The following ITGBL1 variants were observed in gnomAD, a reference collection of about 807,000 sequenced individuals.
ITGBL1 encodes integrin beta-like protein 1.
Under a neutral mutation model 68.5 loss-of-function variants are expected in ITGBL1, and 51 were observed. The observed-to-expected ratio is 0.74, with a 90% CI of 0.59 to 0.94. The LOEUF is 0.94. Ranked by LOEUF, ITGBL1 falls within the 40% of genes least tolerant of loss-of-function variation. The pLI, the probability that ITGBL1 is intolerant of heterozygous loss-of-function variation, is 0.00. For missense variants in ITGBL1, 649 were observed against 647.4 expected (o/e 1.00, Z -0.03); for synonymous variants, 209 against 227.3 (o/e 0.92, Z 0.72).
At chr13:101,454,161 C>T in intron 2 of ITGBL1, 61 bp downstream of exon 2, 12 of 1,326,048 alleles carry the variant, frequency 9.0e-6, no homozygotes, top group Non-Finnish European at 1.0e-5. Flanking sequence ...GGGATTTCTG[C>T]CACTCCCTAG....
At chr13:101,690,584 C>T (rs528924532) in intron 7 of ITGBL1, among the ~76,000 whole-genome samples, 1 of 152,234 alleles carries the variant, frequency 6.6e-6, no homozygotes, top group Admixed American at 6.5e-5. Flanking sequence ...TTTCTCCCCA[C>T]AGCCTGCATT....
chr13:101,657,714 AT>A (rs771442701), intron 7 of ITGBL1, among the ~76,000 whole-genome samples: 1 of 152,228 alleles, frequency 6.6e-6, no homozygotes, highest in Non-Finnish European at 1.5e-5. Flanking sequence ...AATCTATTTG[AT>A]TTACATGTTG....
chr13:101,568,890 G>A (rs1205312619), intron 3 of ITGBL1, among the ~76,000 whole-genome samples: 1 of 152,070 alleles, frequency 6.6e-6, no homozygotes, highest in African/African-American at 2.4e-5. Flanking sequence ...TCCGTCAGGG[G>A]TCATGACAAA....
intron 7 of ITGBL1, among the ~76,000 whole-genome samples, chr13:101,687,253 T>A (rs1160088873): frequency 6.6e-6 from 1 of 151,998 alleles, no homozygotes; most frequent in African/African-American, 2.4e-5. Flanking sequence ...AACAGATTCT[T>A]AAATATTTGT....
chr13:101,588,713 A>G (rs7989278), intron 6 of ITGBL1, among the ~76,000 whole-genome samples: 2,492 of 149,992 alleles, frequency 0.017, 70 homozygotes, highest in African/African-American at 0.057. Flanking sequence ...AAAAAACCTG[A>G]TGTAATGTTA....
At position 101,611,666 on chromosome 13, in the gene ITGBL1, C is replaced by T. The variant is rs577715579; in HGVS notation, c.1015+13367C>T. ...TTCAGTCACTAGCCAGCTGTGTGAC[C>T]CAGCAAGTCATACACTGAACTGGCA... On this transcript the variant is annotated intron_variant, in intron 7 of 10. Transcript: ENST00000376180. Among the ~76,000 whole-genome samples, 29 of 151,004 alleles carry T rather than the reference C, an allele frequency of 1.9e-4. 1 individual carries two copies. The South Asian group carries it at 5.7e-3, about 30-fold the overall frequency.
At chr13:101,716,845 C>T (rs1239524162), downstream of ITGBL1, 1 of 150,446 alleles carries the variant, frequency 6.6e-6, no homozygotes, top group African/African-American at 2.4e-5. Flanking sequence ...AATATTCACT[C>T]AGTGATAGGA....
At chr13:101,623,398 G>A (rs150327342) in intron 7 of ITGBL1, among the ~76,000 whole-genome samples, 8 of 152,200 alleles carry the variant, frequency 5.3e-5, no homozygotes, top group African/African-American at 1.9e-4. Flanking sequence ...TCATATCTTT[G>A]TGTACTGAAA....
At chr13:101,651,551 T>G (rs1242554278) in intron 7 of ITGBL1, among the ~76,000 whole-genome samples, 1 of 152,188 alleles carries the variant, frequency 6.6e-6, no homozygotes, top group Admixed American at 6.5e-5. Flanking sequence ...TTTAAGTTCC[T>G]TGTAGACTCT....
intron 2 of ITGBL1, among the ~76,000 whole-genome samples, chr13:101,561,897 GA>G (rs2050106547): frequency 6.6e-6 from 1 of 152,136 alleles, no homozygotes; most frequent in African/African-American, 2.4e-5. Context: ...GAAGAGCAAT[GA>G]AAATGGAATA....
intron 2 of ITGBL1, among the ~76,000 whole-genome samples, chr13:101,502,889 G>A (rs2048966197): frequency 6.6e-6 from 1 of 152,162 alleles, no homozygotes. Context: ...GAGAGAATGA[G>A]GCAAGATGTA....
chr13:101,526,872 C>T (rs958390109), intron 2 of ITGBL1, among the ~76,000 whole-genome samples: 2 of 151,936 alleles, frequency 1.3e-5, no homozygotes, highest in Non-Finnish European at 2.9e-5. Flanking sequence ...CCAAATACTC[C>T]AGCTTGCATT....
chr13:101,475,575 G>A (rs1427521985), intron 2 of ITGBL1, among the ~76,000 whole-genome samples: 2 of 152,000 alleles, frequency 1.3e-5, no homozygotes, highest in African/African-American at 4.8e-5. Context: ...GTACAAGAAG[G>A]TTATAGAACA....
chr13:101,470,055 A>G (rs950845192), intron 2 of ITGBL1, among the ~76,000 whole-genome samples: 3 of 152,170 alleles, frequency 2.0e-5, no homozygotes, highest in Non-Finnish European at 4.4e-5. Flanking sequence ...AAATCTTATG[A>G]TCAGACCTAG....
chr13:101,550,169 A>G (rs1386973477), intron 2 of ITGBL1, among the ~76,000 whole-genome samples: 1 of 152,146 alleles, frequency 6.6e-6, no homozygotes, highest in African/African-American at 2.4e-5. Context: ...TTGTGTTTGC[A>G]TATTTTTGTC....
intron 2 of ITGBL1, among the ~76,000 whole-genome samples, chr13:101,516,492 A>G (rs2049197592): frequency 6.6e-6 from 1 of 152,146 alleles, no homozygotes; most frequent in South Asian, 2.1e-4. Flanking sequence ...TTTGCATTCA[A>G]TTTCTGCTCA....
chr13:101,713,441 C>T (rs1264630744), intron 9 of ITGBL1: 1 of 152,030 alleles, frequency 6.6e-6, no homozygotes, highest in South Asian at 2.1e-4. Flanking sequence ...GTGATTTTGA[C>T]TCAAAAAGAA....
intron 2 of ITGBL1, among the ~76,000 whole-genome samples, chr13:101,565,046 C>G (rs925750361): frequency 2.0e-5 from 3 of 152,002 alleles, no homozygotes; most frequent in Non-Finnish European, 4.4e-5. Flanking sequence ...TCCTCCAGAA[C>G]TAACCAACCC....
chr13:101,467,867 A>G (rs745822754), intron 2 of ITGBL1, among the ~76,000 whole-genome samples: 1 of 152,100 alleles, frequency 6.6e-6, no homozygotes, highest in Non-Finnish European at 1.5e-5. Context: ...TTCCTAGGGA[A>G]AGGTAGGCTA....
Sources: allele counts gnomAD v4.1 joint callset (sites outside exome capture counted in the v4.1 genomes callset), GRCh38; gene constraint gnomAD v4.1.1; transcripts MANE v1.5; gene names NCBI Gene and HGNC (gene_info 2026-07-23, HGNC 2026-07-21).